FDX1: variants seen among roughly 807,000 people sequenced by gnomAD.
The protein encoded by FDX1 is adrenodoxin, mitochondrial.
FDX1 carries 9 observed loss-of-function variants against 14.9 expected under a neutral mutation model. The ratio of observed to expected loss-of-function variants is 0.60; its 90% CI spans 0.36 to 1.05. FDX1 has a LOEUF of 1.05. Among genes scored for constraint, FDX1 ranks in the 50% least tolerant of loss-of-function variants. The pLI, the probability that FDX1 is intolerant of heterozygous loss-of-function variation, is 0.01. For missense variants in FDX1, 204 were observed against 237.2 expected, an observed-to-expected ratio of 0.86 and a Z score of 0.92; for synonymous variants, 92 against 99.4, an observed-to-expected ratio of 0.93 and a Z score of 0.44.
intron 2 of FDX1, among the ~76,000 whole-genome samples, chr11:110,447,273 CAAAAAAAAAAAAAAAA>C (rs541827807): frequency 1.1e-4 from 8 of 75,752 alleles, no homozygotes; most frequent in African/African-American, 1.5e-4. Context: ...ACTAAAAATA[CAAAAAAAAAAAAAAAA>C]AAAAAAAAAA....
intron 2 of FDX1, among the ~76,000 whole-genome samples, chr11:110,444,665 CGTAT>C (rs1946428640): frequency 2.0e-5 from 1 of 48,906 alleles, no homozygotes; most frequent in African/African-American, 1.5e-4. Flanking sequence ...TATATATATA[CGTAT>C]ATATATATAT....
In FDX1 at chr11:110,450,937, T is replaced by A. The variant is rs186297501; in HGVS notation, c.311-5981T>A. On this transcript the variant is annotated intron_variant, in intron 2 of 3. Transcript: ENST00000260270. ...CCACCAATATTACTCTGGGGCTGTG[T>A]ATATAATAAGTTATATAACTTTTGC... Among the ~76,000 whole-genome samples the A allele has an allele frequency of 2.6e-3, 391 of 152,314 alleles. 3 individuals carry two copies. The highest frequency in any genetic ancestry group is 8.1e-3 in the African/African-American group (338 of 41,570).
At chr11:110,444,344 G>A (rs1208018235) in intron 2 of FDX1, among the ~76,000 whole-genome samples, 3 of 151,842 alleles carry the variant, frequency 2.0e-5, no homozygotes, top group East Asian at 1.9e-4. Context: ...GTCCGGGCGC[G>A]TTGGCTCATG....
chr11:110,440,654 T>C (rs181985481), intron 2 of FDX1, among the ~76,000 whole-genome samples: 7 of 152,332 alleles, frequency 4.6e-5, no homozygotes, highest in African/African-American at 1.7e-4. Context: ...TAAACTTTCA[T>C]TTAGTGATGG....
chr11:110,460,502 T>C (rs1946549916), intron 3 of FDX1, among the ~76,000 whole-genome samples: 1 of 152,232 alleles, frequency 6.6e-6, no homozygotes, highest in Non-Finnish European at 1.5e-5. Flanking sequence ...TTGTACTAAA[T>C]AGTAAATCCT....
chr11:110,450,454 G>A (rs1946479144), intron 2 of FDX1, among the ~76,000 whole-genome samples: 2 of 152,160 alleles, frequency 1.3e-5, no homozygotes, highest in African/African-American at 4.8e-5. Context: ...GGTAATGTGA[G>A]CAATGGGGAG....
chr11:110,441,715 A>G (rs1165871929), intron 2 of FDX1, among the ~76,000 whole-genome samples: 1 of 152,216 alleles, frequency 6.6e-6, no homozygotes, highest in Admixed American at 6.5e-5. Flanking sequence ...GCAGCCTGAC[A>G]ATGTGATAGA....
chr11:110,447,516 C>A (rs889589802), intron 2 of FDX1, among the ~76,000 whole-genome samples: 1 of 152,040 alleles, frequency 6.6e-6, no homozygotes, highest in African/African-American at 2.4e-5. Context: ...TATTCCCAGC[C>A]GTAAAAGGCT....
intron 2 of FDX1, among the ~76,000 whole-genome samples, chr11:110,456,509 C>CTTTTTTTTTTTTTTTT (rs11463993): frequency 4.4e-4 from 37 of 83,804 alleles, no homozygotes; most frequent in East Asian, 7.9e-4. Context: ...TTTATGTATT[C>CTTTTTTTTTTTTTTTT]TTTTTTTTTT....
intron 3 of FDX1, among the ~76,000 whole-genome samples, chr11:110,459,595 A>G (rs1156361237): frequency 6.6e-6 from 1 of 152,236 alleles, no homozygotes; most frequent in Non-Finnish European, 1.5e-5. Flanking sequence ...GTTGAAAACC[A>G]AACCCTAGAA....
At chr11:110,455,230 C>T (rs1946514397) in intron 2 of FDX1, among the ~76,000 whole-genome samples, 1 of 151,788 alleles carries the variant, frequency 6.6e-6, no homozygotes, top group African/African-American at 2.4e-5. Context: ...TGGTCTCGAA[C>T]CTCACGTGAT....
chr11:110,459,063 T>G (rs994743119), intron 3 of FDX1, among the ~76,000 whole-genome samples: 1 of 152,180 alleles, frequency 6.6e-6, no homozygotes, highest in Non-Finnish European at 1.5e-5. Flanking sequence ...AATGCCAGAT[T>G]CACAGTAGAG....
intron 2 of FDX1, among the ~76,000 whole-genome samples, chr11:110,444,748 G>GTATATATATATATATACATA (rs1946438466): frequency 3.4e-5 from 1 of 29,844 alleles, no homozygotes; most frequent in African/African-American, 1.2e-4. Context: ...ATATATACAC[G>GTATATATATATATATACATA]TATATATATA....
rs1269300761 is a variant in FDX1 at position 110,449,500 on chromosome 11, A to G, written c.311-7418A>G. Among the ~76,000 whole-genome samples, 4 of 152,356 alleles carry G rather than the reference A, an allele frequency of 2.6e-5. No individual in the cohort carries two copies. The East Asian group carries it at 7.7e-4, about 29-fold the overall frequency. ...TGGAATGATTAACTTAAGCTAATAA[A>G]CATATCCTTCACCTCACTTATTTTT... On this transcript the variant is annotated intron_variant, in intron 2 of 3. Transcript: ENST00000260270.
At chr11:110,438,697 C>T (rs1167793946) in intron 2 of FDX1, among the ~76,000 whole-genome samples, 3 of 151,862 alleles carry the variant, frequency 2.0e-5, no homozygotes, top group African/African-American at 2.4e-5. Flanking sequence ...GAATTCCTGA[C>T]CTCAAGTGAT....
intron 2 of FDX1, among the ~76,000 whole-genome samples, chr11:110,445,856 C>T (rs1413634765): frequency 6.6e-6 from 1 of 152,102 alleles, no homozygotes; most frequent in Non-Finnish European, 1.5e-5. Context: ...ATATTGTTAA[C>T]ATAGGTATTA....
At chr11:110,452,396 G>A (rs1298272633) in intron 2 of FDX1, among the ~76,000 whole-genome samples, 1 of 151,986 alleles carries the variant, frequency 6.6e-6, no homozygotes, top group Non-Finnish European at 1.5e-5. Context: ...TTAACAGTAA[G>A]AAAACAACAC....
rs1946580782 is a variant in FDX1 at position 110,464,496 on chromosome 11, C to T, written c.*2028C>T. On this transcript the variant is annotated 3_prime_UTR_variant, in exon 4 of 4. Coordinates refer to ENST00000260270, the MANE Select transcript of FDX1 (RefSeq NM_004109.5). ...GCCCACTTCTGACATAACTAACCCA[C>T]ACCTGAGATAACGGCATTAATCCAT... is the stretch of plus-strand genomic sequence containing the variant. The T allele has an allele frequency of 6.6e-6, 1 of 152,162 alleles. No individual in the cohort carries two copies. Among genetic ancestry groups the T allele is most frequent in the African/African-American group, 2.4e-5 (1 of 41,446 alleles). The allele number at this position is 152,162 out of a possible 1,614,324, so 9.4% of individuals were successfully genotyped here.
intron 1 of FDX1, among the ~76,000 whole-genome samples, chr11:110,433,342 A>C (rs892185397): frequency 5.9e-5 from 9 of 152,206 alleles, no homozygotes; most frequent in African/African-American, 2.2e-4. Context: ...CTAAGCTTCA[A>C]CTTATTTCTG....
Sources: gnomAD v4.1 joint callset for allele counts (sites outside exome capture counted in the v4.1 genomes callset) on GRCh38, gnomAD v4.1.1 for gene constraint, MANE v1.5 for transcripts, NCBI Gene and HGNC (gene_info 2026-07-23, HGNC 2026-07-21) for gene names.